The following ADAMTS3 variants were observed in gnomAD, a reference collection of about 807,000 sequenced individuals.
ADAMTS3 encodes the protein ADAM metallopeptidase with thrombospondin type 1 motif 3.
ADAMTS3 carries 73 observed loss-of-function variants against 129.0 expected under a neutral mutation model. The observed-to-expected ratio is 0.57, with a 90% CI of 0.47 to 0.69. ADAMTS3 has a LOEUF of 0.69. ADAMTS3 is among the 30% of genes least tolerant of loss of function. The probability of loss-of-function intolerance (pLI) is 0.00; values close to 1 mark genes in which losing one functional copy is unlikely to be tolerated. For missense variants in ADAMTS3, 1,457 were observed against 1,514.5 expected (o/e 0.96, Z 0.63); for synonymous variants, 477 against 510.8 (o/e 0.93, Z 0.89).
intron 3 of ADAMTS3, among the ~76,000 whole-genome samples, chr4:72,487,689 T>C (rs1182904759): frequency 6.6e-6 from 1 of 152,076 alleles, no homozygotes; most frequent in Non-Finnish European, 1.5e-5. Flanking sequence ...TTTACATATA[T>C]GTAAAAATTA....
intron 4 of ADAMTS3, among the ~76,000 whole-genome samples, chr4:72,344,968 A>C (rs894357106): frequency 1.3e-5 from 2 of 152,118 alleles, no homozygotes; most frequent in Middle Eastern, 3.2e-3. Context: ...TCTAGTCCTA[A>C]AATACATGAC....
At chr4:72,369,139 C>T (rs535057842) in intron 4 of ADAMTS3, among the ~76,000 whole-genome samples, 10 of 152,302 alleles carry the variant, frequency 6.6e-5, no homozygotes, top group African/African-American at 2.4e-4. Context: ...GTGATAGAAA[C>T]ACTACGCATG....
chr4:72,296,065 G>A (rs1718799195), intron 18 of ADAMTS3, among the ~76,000 whole-genome samples: 1 of 151,802 alleles, frequency 6.6e-6, no homozygotes, highest in Non-Finnish European at 1.5e-5. Context: ...AGGTAGATAC[G>A]AAAACCACTG....
chr4:72,353,398 AT>A, intron 4 of ADAMTS3, among the ~76,000 whole-genome samples: 1 of 152,148 alleles, frequency 6.6e-6, no homozygotes, highest in East Asian at 1.9e-4. Context: ...AAATATGGTT[AT>A]GGAGACACTG....
chr4:72,504,907 C>T (rs1720117554), intron 3 of ADAMTS3, among the ~76,000 whole-genome samples: 1 of 152,094 alleles, frequency 6.6e-6, no homozygotes, highest in African/African-American at 2.4e-5. Flanking sequence ...TTTTCAATTC[C>T]AGAAGCTCTA....
chr4:72,537,507 T>C (rs1325683962), intron 3 of ADAMTS3, among the ~76,000 whole-genome samples: 2 of 152,174 alleles, frequency 1.3e-5, no homozygotes, highest in African/African-American at 2.4e-5. Flanking sequence ...TCATTGTGCA[T>C]GCCCAGGGAA....
At chr4:72,303,719 G>A (rs1411264313) in intron 17 of ADAMTS3, among the ~76,000 whole-genome samples, 198 bp downstream of exon 17, 1 of 152,106 alleles carries the variant, frequency 6.6e-6, no homozygotes, top group Non-Finnish European at 1.5e-5. Flanking sequence ...GCATTATTCA[G>A]TTTATAATGT....
rs1679533286 is a variant in ADAMTS3 at position 72,434,709 on chromosome 4, T to C, written c.505-19738A>G. 3.3e-5 allele frequency among the ~76,000 whole-genome samples: 5 copies of C among 151,956 alleles called. No homozygotes were observed. In the South Asian group the frequency reaches 1.0e-3, roughly 32 times the overall value. On this transcript the variant is annotated intron_variant, in intron 3 of 21. Coordinates refer to ENST00000286657, the MANE Select transcript of ADAMTS3 (RefSeq NM_014243.3). ...TGCAGATGCAATTAAGGTCTTAATT[T>C]AGTTGAGTTGAGTTGATTACTTGAA...
At chr4:72,382,862 G>A (rs558869574) in intron 4 of ADAMTS3, among the ~76,000 whole-genome samples, 2 of 152,222 alleles carry the variant, frequency 1.3e-5, no homozygotes, top group African/African-American at 4.8e-5. Flanking sequence ...ATAGACTCTG[G>A]AAACTACAAA....
chr4:72,569,002 G>C lies in ADAMTS3; in HGVS notation c.-240C>G. 2 of 567,976 alleles carry C rather than the reference G, an allele frequency of 3.5e-6. No homozygotes were observed. The highest frequency in any genetic ancestry group is 6.3e-6 in the Non-Finnish European group (2 of 318,572). The allele number at this position is 567,976 out of a possible 1,614,324, so 35.2% of individuals were successfully genotyped here. Reference sequence around the variant, plus strand: ...TCACCCCGTCCTCCCAACACAGAGTGTGCAGGAGCGAGAAGGTGCTGTAAG... The same window carrying C: ...TCACCCCGTCCTCCCAACACAGAGTCTGCAGGAGCGAGAAGGTGCTGTAAG... On this transcript the variant is annotated 5_prime_UTR_variant, in exon 1 of 22. Transcript: ENST00000286657.
intron 3 of ADAMTS3, among the ~76,000 whole-genome samples, chr4:72,498,139 C>T (rs1173185596): frequency 6.6e-6 from 1 of 151,984 alleles, no homozygotes; most frequent in Non-Finnish European, 1.5e-5. Context: ...TAAAATGTGT[C>T]CTTTGTCTTA....
chr4:72,479,046 A>T (rs1157411346), intron 3 of ADAMTS3, among the ~76,000 whole-genome samples: 1 of 152,196 alleles, frequency 6.6e-6, no homozygotes, highest in Non-Finnish European at 1.5e-5. Context: ...ATAAAAGAGG[A>T]TACAAACAAA....
chr4:72,474,975 C>G (rs1269948629), intron 3 of ADAMTS3, among the ~76,000 whole-genome samples: 1 of 149,460 alleles, frequency 6.7e-6, no homozygotes, highest in Non-Finnish European at 1.5e-5. Context: ...TGCAGTGAGC[C>G]GAGATCCCGC....
intron 4 of ADAMTS3, among the ~76,000 whole-genome samples, chr4:72,346,966 T>C (rs1278424165): frequency 6.6e-6 from 1 of 152,144 alleles, no homozygotes; most frequent in African/African-American, 2.4e-5. Context: ...TAATAGATGT[T>C]CAAATGGCTT....
chr4:72,436,654 C>T (rs1717934806), intron 3 of ADAMTS3, among the ~76,000 whole-genome samples: 1 of 152,076 alleles, frequency 6.6e-6, no homozygotes, highest in South Asian at 2.1e-4. Context: ...GGCACACATA[C>T]ACTATGGAAT....
At chr4:72,305,310 G>GT in intron 16 of ADAMTS3, among the ~76,000 whole-genome samples, 1 of 152,186 alleles carries the variant, frequency 6.6e-6, no homozygotes, top group East Asian at 1.9e-4. Context: ...CCTGACACAT[G>GT]TCAGATATTA....
intron 3 of ADAMTS3, among the ~76,000 whole-genome samples, chr4:72,522,562 T>C (rs1027482103): frequency 4.7e-4 from 72 of 152,236 alleles, no homozygotes; most frequent in African/African-American, 1.6e-3. Context: ...TATCAACTAC[T>C]GTGGTGAAAA....
chr4:72,398,613 A>C (rs1222078339), intron 4 of ADAMTS3, among the ~76,000 whole-genome samples: 1 of 152,106 alleles, frequency 6.6e-6, no homozygotes, highest in Non-Finnish European at 1.5e-5. Context: ...AAATAAAAGT[A>C]TCTACAAAGG....
chr4:72,561,453 C>T (rs1322940089), intron 2 of ADAMTS3, among the ~76,000 whole-genome samples: 3 of 151,750 alleles, frequency 2.0e-5, no homozygotes, highest in Non-Finnish European at 4.4e-5. Flanking sequence ...TGCAGTGAGC[C>T]ATGACTGCAT....
Sources: allele counts gnomAD v4.1 joint callset (sites outside exome capture counted in the v4.1 genomes callset), GRCh38; gene constraint gnomAD v4.1.1; transcripts MANE v1.5; gene names NCBI Gene and HGNC (gene_info 2026-07-23, HGNC 2026-07-21).